CCDC150: variants seen among roughly 807,000 people sequenced by gnomAD.
The protein encoded by CCDC150 is coiled-coil domain-containing protein 150.
A neutral mutation model predicts 156.5 loss-of-function variants in CCDC150; 151 were observed. The observed-to-expected ratio is 0.97, with a 90% CI of 0.85 to 1.10. CCDC150 has a LOEUF of 1.10. Among genes scored for constraint, CCDC150 ranks in the 50% least tolerant of loss-of-function variants. The pLI is 0.00. For synonymous variants in CCDC150, 452 were observed against 429.4 expected (o/e 1.05, Z -0.65); for missense variants, 1,312 against 1,268.1 (o/e 1.03, Z -0.53).
rs1339747961 is a variant in CCDC150, at chr2:196,665,654, G to A, written c.733G>A (p.Gly245Arg). The A allele has an allele frequency of 1.1e-5, 18 of 1,600,024 alleles. No homozygotes were observed. Among genetic ancestry groups the A allele is most frequent in the Non-Finnish European group, 1.4e-5 (17 of 1,173,178 alleles). ...CATGCTCCTCAAAATACAAGAAATG[G>A]GATCAACAGTGGAGGTAGAACGAAA... The part of the protein sequence containing the change: ...SAMLLKIQEM[G>R]STVEVERKQV... The change falls in exon 6 of 28, where the codon GGA becomes AGA. Residue 245 changes from glycine (G) to arginine (R), a missense_variant. By Grantham distance (125) the Gly-to-Arg change is moderately radical (BLOSUM62 -2). Transcript: ENST00000389175.
chr2:196,663,368 C>T (rs1693662222), intron 5 of CCDC150, among the ~76,000 whole-genome samples: 1 of 152,104 alleles, frequency 6.6e-6, no homozygotes, highest in Non-Finnish European at 1.5e-5. Context: ...TATTTAATCT[C>T]ACAGTAACCA....
intron 8 of CCDC150, 97 bp from the exon 9 acceptor site, chr2:196,672,242 GGAACTT>G (rs1328464358): frequency 6.2e-6 from 3 of 480,906 alleles, no homozygotes; most frequent in African/African-American, 6.1e-5. Flanking sequence ...GTATGTCATT[GGAACTT>G]GAACTTGTAC....
chr2:196,650,084 A>C (rs1692785341), intron 2 of CCDC150, among the ~76,000 whole-genome samples: 1 of 152,224 alleles, frequency 6.6e-6, no homozygotes. Context: ...CCTGATCAGA[A>C]GCTTTCAGCT....
chr2:196,720,057 C>A, intron 19 of CCDC150: 1 of 365,210 alleles, frequency 2.7e-6, no homozygotes, highest in South Asian at 2.2e-5. Context: ...TATTACTATC[C>A]TGTTTCAAGA....
At chr2:196,719,429 TGA>T in intron 18 of CCDC150, 66 bp from the exon 19 acceptor site, 2 of 1,312,132 alleles carry the variant, frequency 1.5e-6, no homozygotes, top group East Asian at 5.2e-5. Context: ...CTGGGAGTAA[TGA>T]GATCCACAAG....
chr2:196,650,876 G>A (rs1160331251), intron 2 of CCDC150, among the ~76,000 whole-genome samples: 1 of 152,174 alleles, frequency 6.6e-6, no homozygotes, highest in African/African-American at 2.4e-5. Context: ...TGCATTAAAT[G>A]TTTGGTTGAA....
chr2:196,658,955 A>C, intron 5 of CCDC150, 95 bp downstream of exon 5: 1 of 835,260 alleles, frequency 1.2e-6, no homozygotes, highest in Non-Finnish European at 1.9e-6. Flanking sequence ...TGAAGAAGAA[A>C]ATATGTGACT....
chr2:196,692,347 G>A (rs1366408422), intron 13 of CCDC150, among the ~76,000 whole-genome samples: 1 of 150,082 alleles, frequency 6.7e-6, no homozygotes, highest in Non-Finnish European at 1.5e-5. Context: ...TGTTAGCCAG[G>A]ATGGTCTCGA....
intron 1 of CCDC150, among the ~76,000 whole-genome samples, chr2:196,641,472 T>C (rs1692227729): frequency 6.6e-6 from 1 of 152,214 alleles, no homozygotes. Context: ...TTTGCTCAAA[T>C]GTTATGAGGC....
At chr2:196,695,736 G>A (rs932202714) in intron 14 of CCDC150, among the ~76,000 whole-genome samples, 1 of 151,514 alleles carries the variant, frequency 6.6e-6, no homozygotes, top group Non-Finnish European at 1.5e-5. Flanking sequence ...CCAGCTACTC[G>A]GGAGGCGGAG....
At chr2:196,650,637 G>T (rs543857389) in intron 2 of CCDC150, among the ~76,000 whole-genome samples, 1 of 152,100 alleles carries the variant, frequency 6.6e-6, no homozygotes, top group Non-Finnish European at 1.5e-5. Flanking sequence ...CGTGATCTGC[G>T]TGCCTCGGCC....
intron 9 of CCDC150, 34 bp from the exon 10 acceptor site, chr2:196,674,207 A>C: frequency 2.4e-6 from 3 of 1,233,992 alleles, no homozygotes; most frequent in Non-Finnish European, 3.5e-6. Context: ...TCTTTATTGG[A>C]GAGACCAATG....
intron 2 of CCDC150, among the ~76,000 whole-genome samples, chr2:196,651,120 T>C (rs1313313039): frequency 6.6e-6 from 1 of 152,240 alleles, no homozygotes; most frequent in African/African-American, 2.4e-5. Context: ...CACAGTAGGC[T>C]ATTTTAAGGT....
intron 13 of CCDC150, among the ~76,000 whole-genome samples, chr2:196,692,671 C>T (rs994845711): frequency 3.9e-5 from 6 of 152,126 alleles, no homozygotes; most frequent in East Asian, 3.8e-4. Flanking sequence ...CTAATTTGAT[C>T]GTGTTGTGGT....
chr2:196,712,147 A>G lies in CCDC150; in HGVS notation c.1698A>G (p.Ile566Met). The G allele has an allele frequency of 6.6e-7, 1 of 1,507,410 alleles. No individual in the cohort carries two copies. Among genetic ancestry groups the G allele is most frequent in the Non-Finnish European group, 9.0e-7 (1 of 1,115,142 alleles). 93.4% of individuals were successfully genotyped at this position (1,507,410 alleles called of 1,614,324 possible). The change falls in exon 16 of 28, where the codon ATA becomes ATG. Residue 566 changes from isoleucine to methionine, a missense_variant and splice_region_variant. Physicochemically the swap from Ile to Met is conservative, Grantham distance 10. Coordinates refer to ENST00000389175, the MANE Select transcript of CCDC150 (RefSeq NM_001080539.2). ...KLAYENGKLQIKVKQLEEQVQ... is the reference protein window; with the variant it reads ...KLAYENGKLQMKVKQLEEQVQ... ...TTGTATTTTTGTTTTTCCTCTAGATAAAAGTTAAACAGCTAGAAGAACAAG... is the reference window on the plus strand; with the variant it reads ...TTGTATTTTTGTTTTTCCTCTAGATGAAAGTTAAACAGCTAGAAGAACAAG...
At chr2:196,719,687 C>T in intron 19 of CCDC150, 21 bp downstream of exon 19, 1 of 1,581,844 alleles carries the variant, frequency 6.3e-7, no homozygotes, top group Non-Finnish European at 8.6e-7. Flanking sequence ...TTTTTTTTCC[C>T]TGTCATTGGT....
At chr2:196,646,645 T>C in intron 2 of CCDC150, 141 bp downstream of exon 2, 2 of 669,692 alleles carry the variant, frequency 3.0e-6, no homozygotes, top group Admixed American at 2.8e-5. Context: ...TAGAAAACAT[T>C]TGCAAAATGA....
chr2:196,672,470 GTTAT>G (rs1442935675), intron 9 of CCDC150, 33 bp downstream of exon 9: 6 of 1,214,786 alleles, frequency 4.9e-6, no homozygotes, highest in Admixed American at 3.6e-5. Context: ...GTTTTTAGAT[GTTAT>G]TTAATTTTGT....
chr2:196,676,934 C>T (rs1028596142), intron 12 of CCDC150, among the ~76,000 whole-genome samples: 11 of 152,106 alleles, frequency 7.2e-5, no homozygotes, highest in Admixed American at 5.2e-4. Flanking sequence ...TATACTTATC[C>T]GGCGTTAGTG....
Sources: allele counts gnomAD v4.1 joint callset (sites outside exome capture counted in the v4.1 genomes callset), GRCh38; gene constraint gnomAD v4.1.1; transcripts MANE v1.5; gene names NCBI Gene and HGNC (gene_info 2026-07-23, HGNC 2026-07-21).